The following ANO3 variants were observed in gnomAD, a reference collection of about 807,000 sequenced individuals.
ANO3 encodes anoctamin 3.
In ANO3, 99 loss-of-function variants were observed where a neutral mutation model predicts 144.8. That is an observed-to-expected ratio of 0.68 (90% CI 0.58 to 0.81). ANO3 has a LOEUF of 0.81. ANO3 is among the 30% of genes least tolerant of loss of function. The probability of loss-of-function intolerance (pLI) is 0.00; values close to 1 mark genes in which losing one functional copy is unlikely to be tolerated. For missense variants in ANO3, 905 were observed against 1,202.2 expected (o/e 0.75, Z 3.66); for synonymous variants, 414 against 392.6 (o/e 1.05, Z -0.64).
intron 1 of ANO3, among the ~76,000 whole-genome samples, chr11:26,315,517 A>G (rs1428983160): frequency 6.6e-6 from 1 of 152,222 alleles, no homozygotes; most frequent in Non-Finnish European, 1.5e-5. Flanking sequence ...GGAGAAGTAT[A>G]ATGAACTAGA....
intron 23 of ANO3, 142 bp from the exon 24 acceptor site, chr11:26,647,567 T>C (rs1056352289): frequency 3.6e-5 from 24 of 661,084 alleles, no homozygotes; most frequent in Non-Finnish European, 5.7e-5. Flanking sequence ...AATGTCTGTA[T>C]TGAGATAGTA....
At chr11:26,255,758 C>T (rs974086183) in intron 1 of ANO3, among the ~76,000 whole-genome samples, 8 of 152,024 alleles carry the variant, frequency 5.3e-5, no homozygotes, top group Non-Finnish European at 1.5e-5. Flanking sequence ...TAATCTTTCC[C>T]AGACAAAGGG....
intron 1 of ANO3, among the ~76,000 whole-genome samples, chr11:26,376,181 AAG>A (rs1186042402): frequency 6.6e-6 from 1 of 152,132 alleles, no homozygotes; most frequent in African/African-American, 2.4e-5. Flanking sequence ...GTGGGTGAAA[AAG>A]AGTGAAATAA....
At chr11:26,389,085 A>C (rs1434658055) in intron 1 of ANO3, among the ~76,000 whole-genome samples, 2 of 152,188 alleles carry the variant, frequency 1.3e-5, no homozygotes, top group Admixed American at 1.3e-4. Flanking sequence ...TTTCCAGGCA[A>C]TGAGTCCTTA....
At chr11:26,459,961 A>G (rs1341393600) in intron 3 of ANO3, 4 of 294,022 alleles carry the variant, frequency 1.4e-5, no homozygotes, top group Non-Finnish European at 2.7e-5. Flanking sequence ...TAATTTTAGA[A>G]TGCATTTCCA....
At chr11:26,613,089 T>A (rs1458583386) in intron 17 of ANO3, among the ~76,000 whole-genome samples, 1 of 152,158 alleles carries the variant, frequency 6.6e-6, no homozygotes, top group Non-Finnish European at 1.5e-5. Context: ...ATAGGCTTTC[T>A]GTGTCTTTCT....
chr11:26,277,435 A>G (rs1023109412), intron 1 of ANO3, among the ~76,000 whole-genome samples: 9 of 152,206 alleles, frequency 5.9e-5, no homozygotes, highest in Admixed American at 3.3e-4. Flanking sequence ...TTACCTCCCT[A>G]TTAAGAATCC....
intron 1 of ANO3, among the ~76,000 whole-genome samples, chr11:26,207,121 C>A (rs1221691430): frequency 6.6e-6 from 1 of 152,094 alleles, no homozygotes; most frequent in Non-Finnish European, 1.5e-5. Flanking sequence ...TAAAGATCTA[C>A]TGTACAGCAC....
intron 4 of ANO3, among the ~76,000 whole-genome samples, chr11:26,494,766 C>T (rs1282207327): frequency 6.6e-6 from 1 of 152,146 alleles, no homozygotes; most frequent in Non-Finnish European, 1.5e-5. Flanking sequence ...CCATAAGTTC[C>T]TAGCATGGAA....
intron 1 of ANO3, among the ~76,000 whole-genome samples, chr11:26,341,230 T>C (rs528016780): frequency 2.0e-5 from 3 of 152,284 alleles, no homozygotes; most frequent in African/African-American, 7.2e-5. Flanking sequence ...AAAAAATGTA[T>C]AGTGAAAGGT....
intron 3 of ANO3, among the ~76,000 whole-genome samples, chr11:26,449,490 C>G (rs867019033): frequency 0.063 from 1,423 of 22,452 alleles, 11 homozygotes; most frequent in African/African-American, 0.11. Context: ...CTCTCTCTCA[C>G]ACACACACAC....
At chr11:26,330,867 T>C (rs1855020630), upstream of ANO3, among the ~76,000 whole-genome samples, 1 of 152,190 alleles carries the variant, frequency 6.6e-6, no homozygotes. Context: ...TTCTGCATAT[T>C]TTTTATCTGC....
intron 1 of ANO3, among the ~76,000 whole-genome samples, chr11:26,357,992 G>A (rs1484852023): frequency 2.0e-5 from 3 of 152,114 alleles, no homozygotes; most frequent in African/African-American, 4.8e-5. Flanking sequence ...CCCTGTGTAT[G>A]TGGATCTGTT....
chr11:26,250,248 C>T (rs1412210507), intron 1 of ANO3, among the ~76,000 whole-genome samples: 1 of 152,166 alleles, frequency 6.6e-6, no homozygotes, highest in Non-Finnish European at 1.5e-5. Context: ...TCTTCTGTGG[C>T]AGCTATGGGT....
At chr11:26,334,315 G>A (rs1253821782) in intron 1 of ANO3, among the ~76,000 whole-genome samples, 1 of 152,162 alleles carries the variant, frequency 6.6e-6, no homozygotes, top group South Asian at 2.1e-4. Context: ...TCCTGCATGG[G>A]CATTAGGAAA....
At chr11:26,648,004 G>A (rs764681064) in intron 24 of ANO3, 148 bp downstream of exon 24, 2 of 690,234 alleles carry the variant, frequency 2.9e-6, no homozygotes, top group Non-Finnish European at 4.4e-6. Flanking sequence ...AATCAAGCAA[G>A]GTAAAAAGGA....
intron 1 of ANO3, among the ~76,000 whole-genome samples, chr11:26,310,454 G>A (rs963386130): frequency 1.9e-4 from 29 of 152,186 alleles, no homozygotes; most frequent in African/African-American, 6.3e-4. Flanking sequence ...ATACTTGCAG[G>A]AGAATTTTTT....
intron 1 of ANO3, among the ~76,000 whole-genome samples, chr11:26,439,994 A>C (rs1008763616): frequency 6.6e-6 from 1 of 152,170 alleles, no homozygotes. Flanking sequence ...CAACCACAAA[A>C]CCTGACATGT....
At chr11:26,471,755 G>C (rs1420157156) in intron 4 of ANO3, among the ~76,000 whole-genome samples, 2 of 151,854 alleles carry the variant, frequency 1.3e-5, no homozygotes, top group Non-Finnish European at 2.9e-5. Flanking sequence ...TTAGTTCCCA[G>C]AAAGACTATA....
Sources: gnomAD v4.1 joint callset for allele counts (sites outside exome capture counted in the v4.1 genomes callset) on GRCh38, gnomAD v4.1.1 for gene constraint, MANE v1.5 for transcripts, NCBI Gene and HGNC (gene_info 2026-07-23, HGNC 2026-07-21) for gene names.